CDH12: variants seen among roughly 807,000 people sequenced by gnomAD.
CDH12 encodes cadherin-12.
CDH12 carries 41 observed loss-of-function variants against 74.1 expected under a neutral mutation model. The observed-to-expected ratio is 0.55, with a 90% CI of 0.43 to 0.72. CDH12 has a LOEUF of 0.72. CDH12 is among the 30% of genes least tolerant of loss of function. CDH12 has a pLI of 0.00. For synonymous variants in CDH12, 399 were observed against 355.0 expected (o/e 1.12, Z -1.39); for missense variants, 945 against 977.2 (o/e 0.97, Z 0.44).
intron 3 of CDH12, among the ~76,000 whole-genome samples, chr5:22,345,195 T>A (rs1476774278): frequency 1.3e-5 from 2 of 151,410 alleles, no homozygotes; most frequent in Admixed American, 6.6e-5. Flanking sequence ...TCACTTTAGA[T>A]TTTTTATTTT....
intron 6 of CDH12, among the ~76,000 whole-genome samples, chr5:21,879,427 C>G (rs1752125408): frequency 6.6e-6 from 1 of 151,594 alleles, no homozygotes; most frequent in Middle Eastern, 3.2e-3. Flanking sequence ...ATGCAGATAT[C>G]TGGAAGACGT....
At chr5:21,833,089 A>C (rs1205008564) in intron 8 of CDH12, among the ~76,000 whole-genome samples, 2 of 39,814 alleles carry the variant, frequency 5.0e-5, no homozygotes. Flanking sequence ...TTATATTATA[A>C]ATATATATTA....
rs376127561 is a variant in CDH12 at position 22,513,810 on chromosome 5, T to G, written c.-522-8446A>C. Among the ~76,000 whole-genome samples, 16 of 151,918 alleles carry G rather than the reference T, an allele frequency of 1.1e-4. No homozygotes were observed. The East Asian group carries it at 2.5e-3, about 24-fold the overall frequency. On this transcript the variant is annotated intron_variant, in intron 1 of 14. Transcript: ENST00000382254. The stretch of plus-strand genomic sequence containing the variant: ...AAAATACAAAAAAATTAGCTGGGCT[T>G]GGTGGTGGGTGCCTGTAATCCCAGC...
intron 1 of CDH12, among the ~76,000 whole-genome samples, chr5:22,525,997 A>C (rs1023726759): frequency 2.0e-5 from 3 of 152,168 alleles, no homozygotes; most frequent in Non-Finnish European, 4.4e-5. Flanking sequence ...TTCCAGTCTA[A>C]GTTTCAGGGA....
chr5:22,650,881 T>C (rs1739698157), intron 1 of CDH12, among the ~76,000 whole-genome samples: 1 of 151,998 alleles, frequency 6.6e-6, no homozygotes, highest in African/African-American at 2.4e-5. Flanking sequence ...TGATGGGGAA[T>C]CTTTACACTG....
At chr5:22,053,600 C>A (rs747240004) in intron 5 of CDH12, among the ~76,000 whole-genome samples, 1 of 152,076 alleles carries the variant, frequency 6.6e-6, no homozygotes. Context: ...TAACTAATGG[C>A]CTGAAATTCC....
chr5:22,059,763 T>A lies in CDH12; in HGVS notation c.231+18683A>T, dbSNP rs1251150984. Among the ~76,000 whole-genome samples, 3 of 152,144 alleles carry A rather than the reference T, an allele frequency of 2.0e-5. No individual in the cohort carries two copies. The East Asian group carries it at 5.8e-4, about 29-fold the overall frequency. ...CAATAGCCCTGAATACTTGGTTAAGTTTAAAAAAATAATTCTGTATAAACT... is the reference window on the plus strand; with the variant it reads ...CAATAGCCCTGAATACTTGGTTAAGATTAAAAAAATAATTCTGTATAAACT... On this transcript the variant is annotated intron_variant, in intron 5 of 14. Coordinates refer to ENST00000382254, the MANE Select transcript of CDH12 (RefSeq NM_004061.5).
At chr5:21,928,489 T>G (rs1754692146) in intron 6 of CDH12, among the ~76,000 whole-genome samples, 1 of 152,174 alleles carries the variant, frequency 6.6e-6, no homozygotes, top group Non-Finnish European at 1.5e-5. Flanking sequence ...ATTTTGCTTA[T>G]GATGTATTGC....
At chr5:22,102,103 T>A (rs1744171117) in intron 4 of CDH12, among the ~76,000 whole-genome samples, 1 of 152,162 alleles carries the variant, frequency 6.6e-6, no homozygotes, top group South Asian at 2.1e-4. Context: ...ATTTATAAAG[T>A]CACTGATAAT....
At chr5:22,594,712 C>G (rs919883418) in intron 1 of CDH12, among the ~76,000 whole-genome samples, 2 of 152,136 alleles carry the variant, frequency 1.3e-5, no homozygotes, top group African/African-American at 2.4e-5. Flanking sequence ...TTGGAAACAA[C>G]TATGTATTTA....
intron 3 of CDH12, among the ~76,000 whole-genome samples, chr5:22,377,336 T>C (rs1741572073): frequency 6.6e-6 from 1 of 151,946 alleles, no homozygotes; most frequent in African/African-American, 2.4e-5. Context: ...TTATAAAAGT[T>C]TGGTAGAGTC....
chr5:22,491,250 T>C (rs1329202629), intron 2 of CDH12, among the ~76,000 whole-genome samples: 2 of 152,154 alleles, frequency 1.3e-5, no homozygotes, highest in African/African-American at 4.8e-5. Flanking sequence ...ATGTGGTATG[T>C]GGTTTTCTGT....
chr5:22,171,802 C>T (rs995605675), intron 4 of CDH12, among the ~76,000 whole-genome samples: 1 of 151,824 alleles, frequency 6.6e-6, no homozygotes, highest in Non-Finnish European at 1.5e-5. Flanking sequence ...TCCCTTTGCT[C>T]AAGAAAGTGG....
chr5:22,489,550 C>T (rs1161847899), intron 2 of CDH12, among the ~76,000 whole-genome samples: 4 of 151,882 alleles, frequency 2.6e-5, no homozygotes, highest in South Asian at 2.1e-4. Flanking sequence ...GATATAGCTA[C>T]AAAAAATAAT....
chr5:22,312,099 A>G (rs2150429413), intron 3 of CDH12, among the ~76,000 whole-genome samples: 2 of 152,184 alleles, frequency 1.3e-5, no homozygotes, highest in Middle Eastern at 6.8e-3. Context: ...CTCGATTTAG[A>G]AGTAGATATA....
chr5:22,031,828 A>T (rs970246420), intron 5 of CDH12, among the ~76,000 whole-genome samples: 2 of 152,126 alleles, frequency 1.3e-5, no homozygotes, highest in African/African-American at 4.8e-5. Flanking sequence ...AAACAATTCC[A>T]ACAGTAATGT....
Position 21,871,617 on chromosome 5 carries a change from C to A in CDH12, c.527-16827G>T, listed in dbSNP as rs151044201. Among the ~76,000 whole-genome samples the A allele has an allele frequency of 5.3e-4, 80 of 152,240 alleles. No individual in the cohort carries two copies. The East Asian group carries it at 0.014, about 27-fold the overall frequency. ...GCGTGGTGGCACACGCCTGTAATCC[C>A]ACCTACTCGGGAGGCAGGAGAATCA... On this transcript the variant is annotated intron_variant, in intron 6 of 14. Transcript: ENST00000382254.
At position 21,752,216 on chromosome 5, in the gene CDH12, C is replaced by T; in HGVS notation, c.1906G>A (p.Ala636Thr). 1 of 1,611,882 alleles carries T rather than the reference C, an allele frequency of 6.2e-7. No individual in the cohort carries two copies. Among genetic ancestry groups the T allele is most frequent in the Non-Finnish European group, 8.5e-7 (1 of 1,179,084 alleles). ...ILLAIVVLYVALRRQKKKDTL... is the reference protein window; with the variant it reads ...ILLAIVVLYVTLRRQKKKDTL... ...TCTTTTTTCTTCTGCCTTCGCAGTG[C>T]TACATACAGTACAACTATGGCTGGA... is the stretch of plus-strand genomic sequence containing the variant. The change falls in exon 15 of 15, where the codon GCA becomes ACA. Residue 636 changes from alanine to threonine, a missense_variant. Transcript: ENST00000382254.
At chr5:22,197,637 T>G (rs1406526446) in intron 4 of CDH12, among the ~76,000 whole-genome samples, 2 of 152,164 alleles carry the variant, frequency 1.3e-5, no homozygotes, top group Admixed American at 6.5e-5. Context: ...TGAAGATCAG[T>G]TATTGGTAAG....
Sources: gnomAD v4.1 joint callset for allele counts (sites outside exome capture counted in the v4.1 genomes callset) on GRCh38, gnomAD v4.1.1 for gene constraint, MANE v1.5 for transcripts, NCBI Gene and HGNC (gene_info 2026-07-23, HGNC 2026-07-21) for gene names.